RBFOX1: variants seen among roughly 807,000 people sequenced by gnomAD.
The protein encoded by RBFOX1 is RNA binding fox-1 homolog 1, also known as RNA binding protein fox-1 homolog 1.
A neutral mutation model predicts 57.7 loss-of-function variants in RBFOX1; 8 were observed. That is an observed-to-expected ratio of 0.14 (90% CI 0.08 to 0.25). The LOEUF (loss-of-function observed/expected upper bound fraction) is 0.25, where lower values mean the gene tolerates loss of function less well. Ranked by LOEUF, RBFOX1 falls within the 10% of genes least tolerant of loss-of-function variation. The pLI, the probability that RBFOX1 is intolerant of heterozygous loss-of-function variation, is 1.00. For synonymous variants in RBFOX1, 326 were observed against 222.4 expected (o/e 1.47, Z -4.15); for missense variants, 611 against 548.5 (o/e 1.11, Z -1.14).
At chr16:7,153,900 T>C (rs551314687) in intron 4 of RBFOX1, among the ~76,000 whole-genome samples, 1 of 151,970 alleles carries the variant, frequency 6.6e-6, no homozygotes, top group Non-Finnish European at 1.5e-5. Context: ...TAAATTGTTC[T>C]AGTTAGGCAT....
chr16:5,345,828 C>A (rs2065127314), intron 1 of RBFOX1, among the ~76,000 whole-genome samples: 1 of 152,172 alleles, frequency 6.6e-6, no homozygotes, highest in Admixed American at 6.5e-5. Context: ...AATGCCTGGA[C>A]TTAAAGGAAT....
At chr16:5,973,590 T>G (rs2060005053) in intron 4 of RBFOX1, among the ~76,000 whole-genome samples, 1 of 152,246 alleles carries the variant, frequency 6.6e-6, no homozygotes, top group South Asian at 2.1e-4. Context: ...TAATTTTGTG[T>G]CAGGTTGACT....
intron 3 of RBFOX1, among the ~76,000 whole-genome samples, chr16:6,910,689 C>T (rs8057643): frequency 0.73 from 111,202 of 152,102 alleles, 40,895 homozygotes; most frequent in East Asian, 0.93. Flanking sequence ...TTCTCAGCTT[C>T]AAAGCCAGCA....
At chr16:7,075,534 C>G (rs892308672) in intron 4 of RBFOX1, among the ~76,000 whole-genome samples, 1 of 152,052 alleles carries the variant, frequency 6.6e-6, no homozygotes, top group Non-Finnish European at 1.5e-5. Flanking sequence ...AATAAAAGCC[C>G]ACACAACTTT....
intron 3 of RBFOX1, among the ~76,000 whole-genome samples, chr16:6,697,523 C>T (rs941448629): frequency 1.1e-4 from 17 of 152,172 alleles, no homozygotes; most frequent in African/African-American, 3.4e-4. Flanking sequence ...TATAAATCTG[C>T]TTTCCATTGT....
intron 15 of RBFOX1, chr16:7,710,002 G>A (rs2148614740): frequency 2.0e-6 from 2 of 1,008,086 alleles, no homozygotes; most frequent in East Asian, 1.1e-4. Context: ...AAATCGTTAA[G>A]TGCCACCTTG....
chr16:5,786,028 A>G (rs945454465), intron 3 of RBFOX1, among the ~76,000 whole-genome samples: 3 of 152,032 alleles, frequency 2.0e-5, no homozygotes, highest in South Asian at 2.1e-4. Context: ...TCCTTTCATT[A>G]GGATCCTTGG....
At chr16:5,871,731 A>G (rs1348459518) in intron 4 of RBFOX1, among the ~76,000 whole-genome samples, 1 of 152,212 alleles carries the variant, frequency 6.6e-6, no homozygotes, top group Non-Finnish European at 1.5e-5. Context: ...GTTTGAGGAA[A>G]AAAAAAATTC....
intron 4 of RBFOX1, among the ~76,000 whole-genome samples, chr16:7,081,127 C>A (rs1196630464): frequency 1.3e-5 from 2 of 152,142 alleles, no homozygotes; most frequent in Non-Finnish European, 2.9e-5. Flanking sequence ...CTCCACCTCC[C>A]AGGTTGAAGC....
chr16:5,388,057 G>T (rs776981154), intron 1 of RBFOX1, among the ~76,000 whole-genome samples: 4 of 152,224 alleles, frequency 2.6e-5, no homozygotes, highest in African/African-American at 4.8e-5. Context: ...CCATAGAAAC[G>T]CCAGGAAGGA....
intron 3 of RBFOX1, among the ~76,000 whole-genome samples, chr16:5,618,340 TTG>T (rs1314622633): frequency 6.7e-4 from 97 of 144,034 alleles, no homozygotes; most frequent in East Asian, 4.1e-3. Context: ...TTTTTTTTTT[TTG>T]TGTGTGTGTG....
intron 3 of RBFOX1, among the ~76,000 whole-genome samples, chr16:6,800,354 T>C (rs978271596): frequency 1.3e-5 from 2 of 152,122 alleles, no homozygotes; most frequent in African/African-American, 4.8e-5. Flanking sequence ...ATTTTTGTTT[T>C]TCATGCAATA....
intron 3 of RBFOX1, among the ~76,000 whole-genome samples, chr16:6,769,334 A>G (rs566026495): frequency 2.0e-4 from 31 of 152,302 alleles, no homozygotes; most frequent in African/African-American, 6.5e-4. Flanking sequence ...CTGTAAGTCT[A>G]TTAAAGGTCT....
intron 5 of RBFOX1, among the ~76,000 whole-genome samples, chr16:7,528,662 C>A (rs542445374): frequency 6.6e-6 from 1 of 152,026 alleles, no homozygotes; most frequent in South Asian, 2.1e-4. Flanking sequence ...CAGGTGTTTT[C>A]CAGTGAACTT....
chr16:7,636,808 C>T (rs959607726), intron 11 of RBFOX1, among the ~76,000 whole-genome samples: 2 of 151,040 alleles, frequency 1.3e-5, no homozygotes, highest in Non-Finnish European at 1.5e-5. Flanking sequence ...CACCTTCTCC[C>T]ATGTTTTCAC....
At chr16:7,704,723 G>C (rs1259373061) in intron 14 of RBFOX1, among the ~76,000 whole-genome samples, 3 of 152,276 alleles carry the variant, frequency 2.0e-5, no homozygotes, top group Middle Eastern at 3.4e-3. Context: ...CAACATGAAG[G>C]GGTAGGGATG....
intron 3 of RBFOX1, among the ~76,000 whole-genome samples, chr16:7,018,938 G>A (rs900855484): frequency 6.6e-6 from 1 of 152,098 alleles, no homozygotes; most frequent in Admixed American, 6.6e-5. Flanking sequence ...GGGCAACACA[G>A]TGAGACCTCG....
intron 1 of RBFOX1, among the ~76,000 whole-genome samples, chr16:6,183,959 G>A (rs557392263): frequency 6.6e-6 from 1 of 152,284 alleles, no homozygotes; most frequent in Admixed American, 6.5e-5. Context: ...CTGAGAGTGG[G>A]TCATTTATAA....
At chr16:6,627,590 C>A (rs1002850561) in intron 2 of RBFOX1, among the ~76,000 whole-genome samples, 1 of 152,070 alleles carries the variant, frequency 6.6e-6, no homozygotes, top group Non-Finnish European at 1.5e-5. Context: ...ACTATGAACG[C>A]TAGACTGAGA....
Sources: gnomAD v4.1 joint callset for allele counts (sites outside exome capture counted in the v4.1 genomes callset) on GRCh38, gnomAD v4.1.1 for gene constraint, MANE v1.5 for transcripts, NCBI Gene and HGNC (gene_info 2026-07-23, HGNC 2026-07-21) for gene names.